CSMD1: variants seen among roughly 807,000 people sequenced by gnomAD.
CSMD1 encodes CUB and Sushi multiple domains 1, also known as CUB and sushi domain-containing protein 1.
In CSMD1, 213 loss-of-function variants were observed where a neutral mutation model predicts 417.5. That is an observed-to-expected ratio of 0.51 (90% CI 0.46 to 0.57). The LOEUF is 0.57. Ranked by LOEUF, CSMD1 falls within the 20% of genes least tolerant of loss-of-function variation. The probability of loss-of-function intolerance (pLI) is 0.00; values close to 1 mark genes in which losing one functional copy is unlikely to be tolerated. For missense variants in CSMD1, 6,923 were observed against 4,529.7 expected (o/e 1.53, Z -15.17); for synonymous variants, 2,862 against 1,736.8 (o/e 1.65, Z -16.11).
intron 10 of CSMD1, among the ~76,000 whole-genome samples, chr8:3,528,030 A>G (rs1315110073): frequency 1.3e-5 from 2 of 152,128 alleles, no homozygotes; most frequent in African/African-American, 4.8e-5. Context: ...GTCTCCAGCC[A>G]TTGCCATTTG....
chr8:3,275,625 T>A (rs931114331), intron 26 of CSMD1, among the ~76,000 whole-genome samples: 1 of 152,168 alleles, frequency 6.6e-6, no homozygotes, highest in African/African-American at 2.4e-5. Context: ...GCTTTGCTCG[T>A]TTCTTTTTAT....
chr8:2,945,722 CCT>C (rs1412375678), intron 68 of CSMD1, among the ~76,000 whole-genome samples: 7 of 152,148 alleles, frequency 4.6e-5, no homozygotes, highest in East Asian at 1.9e-4. Context: ...CTTGTTTTCC[CCT>C]GTCCCTCCTC....
intron 2 of CSMD1, among the ~76,000 whole-genome samples, chr8:4,558,961 C>G (rs973020212): frequency 6.6e-6 from 1 of 152,082 alleles, no homozygotes; most frequent in Non-Finnish European, 1.5e-5. Context: ...GTATTTGATA[C>G]TTTCCCTGAC....
intron 1 of CSMD1, among the ~76,000 whole-genome samples, chr8:4,674,792 C>A (rs1317786405): frequency 6.6e-6 from 1 of 152,166 alleles, no homozygotes; most frequent in Non-Finnish European, 1.5e-5. Context: ...GTGTCCCCCT[C>A]CAAAATTCAT....
chr8:4,464,881 T>A (rs1458600789), intron 2 of CSMD1, among the ~76,000 whole-genome samples: 1 of 152,132 alleles, frequency 6.6e-6, no homozygotes, highest in African/African-American at 2.4e-5. Flanking sequence ...TAGTTTTTTA[T>A]TAGTTTTTAT....
intron 26 of CSMD1, among the ~76,000 whole-genome samples, chr8:3,252,751 G>A (rs143761864): frequency 0.088 from 13,405 of 152,164 alleles, 802 homozygotes; most frequent in Non-Finnish European, 0.13. Context: ...CCTGTTATTC[G>A]TCTCTTCAGA....
Position 4,453,810 on chromosome 8 carries a change from G to GTTTTTTTTTTTTTTTTT in CSMD1, c.303-33746_303-33745insAAAAAAAAAAAAAAAAA, listed in dbSNP as rs1392324658. ...GTTCCCGAACAAGATTGCGCAATTCGTTTCTTTTTTTTTTTTTTTTTTTTT... is the reference window on the plus strand; with the variant it reads ...GTTCCCGAACAAGATTGCGCAATTCGTTTTTTTTTTTTTTTTTTTTCTTTTTTTTTTTTTTTTTTTTT... On this transcript the variant is annotated intron_variant, in intron 2 of 69. Transcript: ENST00000635120. Among the ~76,000 whole-genome samples the GTTTTTTTTTTTTTTTTT allele has an allele frequency of 3.2e-5, 3 of 93,020 alleles. 1 individual carries two copies. The allele number at this position is 93,020 out of a possible 152,430, so 61.0% of individuals were successfully genotyped here.
chr8:4,727,589 G>T (rs992875905), intron 1 of CSMD1, among the ~76,000 whole-genome samples: 1 of 152,104 alleles, frequency 6.6e-6, no homozygotes, highest in East Asian at 1.9e-4. Flanking sequence ...CTTACCTAAC[G>T]TCTTCTAGCT....
chr8:4,773,051 A>T (rs926674569), intron 1 of CSMD1, among the ~76,000 whole-genome samples: 1 of 152,194 alleles, frequency 6.6e-6, no homozygotes, highest in Non-Finnish European at 1.5e-5. Flanking sequence ...CTTATCTGAA[A>T]TGTTTGCCAC....
chr8:3,707,406 C>A (rs1048434161), intron 7 of CSMD1, among the ~76,000 whole-genome samples: 1 of 152,040 alleles, frequency 6.6e-6, no homozygotes, highest in Non-Finnish European at 1.5e-5. Context: ...CGGGGACAGG[C>A]GCACCCACAG....
chr8:2,989,227 C>T (rs2128946398), intron 54 of CSMD1, among the ~76,000 whole-genome samples: 1 of 152,140 alleles, frequency 6.6e-6, no homozygotes, highest in Non-Finnish European at 1.5e-5. Flanking sequence ...GAGTTTTATG[C>T]CATTGTTTCC....
chr8:4,101,906 A>G (rs1182451723), intron 3 of CSMD1, among the ~76,000 whole-genome samples: 1 of 152,172 alleles, frequency 6.6e-6, no homozygotes, highest in African/African-American at 2.4e-5. Context: ...TCTCCTAATA[A>G]TGTACAGCAT....
chr8:3,346,685 G>A lies in CSMD1; in HGVS notation c.3474+1307C>T, dbSNP rs199628004. On this transcript the variant is annotated intron_variant, in intron 22 of 69. Coordinates refer to ENST00000635120, the MANE Select transcript of CSMD1 (RefSeq NM_033225.6). ...CTTCTAATGAGGTCAAGTGGAGCCC[G>A]GCGGGGGCTCCATTCCAGCCATTCT... is the stretch of plus-strand genomic sequence containing the variant. 4.3e-4 allele frequency among the ~76,000 whole-genome samples: 66 copies of A among 152,274 alleles called. 1 individual carries two copies. The East Asian group carries it at 0.012, about 27-fold the overall frequency.
intron 10 of CSMD1, among the ~76,000 whole-genome samples, chr8:3,535,294 CA>C (rs1183163663): frequency 6.6e-6 from 1 of 152,062 alleles, no homozygotes; most frequent in East Asian, 1.9e-4. Flanking sequence ...AATAGTTATT[CA>C]AGCTTTTGGC....
intron 5 of CSMD1, among the ~76,000 whole-genome samples, chr8:3,979,105 A>G (rs1813658532): frequency 6.6e-6 from 1 of 152,244 alleles, no homozygotes; most frequent in African/African-American, 2.4e-5. Flanking sequence ...CAGTGCATTT[A>G]GAGAGCTCTA....
chr8:4,598,646 G>T (rs1317327506), intron 2 of CSMD1, among the ~76,000 whole-genome samples: 1 of 152,062 alleles, frequency 6.6e-6, no homozygotes, highest in African/African-American at 2.4e-5. Context: ...AACTATGCTA[G>T]GAATCTAGAC....
intron 3 of CSMD1, among the ~76,000 whole-genome samples, chr8:4,224,496 C>G (rs538287900): frequency 7.2e-5 from 11 of 152,256 alleles, no homozygotes; most frequent in African/African-American, 2.6e-4. Context: ...ACTCTCAGTT[C>G]AGTGTCTACT....
chr8:3,220,571 G>C (rs1017332147), intron 28 of CSMD1, among the ~76,000 whole-genome samples: 8 of 152,184 alleles, frequency 5.3e-5, no homozygotes, highest in African/African-American at 1.9e-4. Flanking sequence ...AGTGGCTCTA[G>C]CCTGTAATCC....
At chr8:3,831,289 C>T (rs1802363222) in intron 5 of CSMD1, among the ~76,000 whole-genome samples, 2 of 152,018 alleles carry the variant, frequency 1.3e-5, no homozygotes, top group African/African-American at 4.8e-5. Context: ...GGGGAGCTGC[C>T]CTGGGGAGCT....
Sources: allele counts gnomAD v4.1 joint callset (sites outside exome capture counted in the v4.1 genomes callset), GRCh38; gene constraint gnomAD v4.1.1; transcripts MANE v1.5; gene names NCBI Gene and HGNC (gene_info 2026-07-23, HGNC 2026-07-21).